The following PRKN variants were observed in gnomAD, a reference collection of about 807,000 sequenced individuals.
PRKN encodes the protein parkin RBR E3 ubiquitin protein ligase, also known as E3 ubiquitin-protein ligase parkin.
A neutral mutation model predicts 59.5 loss-of-function variants in PRKN; 56 were observed. The ratio of observed to expected loss-of-function variants is 0.94; its 90% CI spans 0.76 to 1.18. The LOEUF (loss-of-function observed/expected upper bound fraction) is 1.18. PRKN is among the 50% of genes most tolerant of loss of function. PRKN has a pLI of 0.00. For synonymous variants in PRKN, 250 were observed against 222.1 expected (o/e 1.13, Z -1.12); for missense variants, 657 against 596.4 (o/e 1.10, Z -1.06).
chr6:162,572,515 G>C (rs893953542), intron 1 of PRKN, among the ~76,000 whole-genome samples: 16 of 152,114 alleles, frequency 1.1e-4, no homozygotes, highest in Non-Finnish European at 2.4e-4. Context: ...TATCCTGATG[G>C]GCCAGGTGTA....
At chr6:162,284,832 G>A (rs983148274) in intron 2 of PRKN, among the ~76,000 whole-genome samples, 1 of 152,124 alleles carries the variant, frequency 6.6e-6, no homozygotes, top group Non-Finnish European at 1.5e-5. Flanking sequence ...ACAGCTACAA[G>A]TGTTATGGGC....
intron 3 of PRKN, among the ~76,000 whole-genome samples, chr6:162,242,678 A>C (rs188813292): frequency 6.6e-5 from 10 of 152,284 alleles, no homozygotes; most frequent in Admixed American, 2.6e-4. Flanking sequence ...CTGGCAGTGA[A>C]ACAACTTTGA....
Position 161,360,273 on chromosome 6 carries a change from C to A in PRKN, c.1168-68G>T. 8.0e-7 allele frequency: 1 copy of A among 1,255,394 alleles called. No individual in the cohort carries two copies. Among genetic ancestry groups the A allele is most frequent in the Middle Eastern group, 1.9e-4 (1 of 5,374 alleles). 77.8% of individuals were successfully genotyped at this position (1,255,394 alleles called of 1,614,324 possible). A position where few individuals can be genotyped will look rare whatever the true frequency, so the allele number is the denominator to read the frequency against. The stretch of plus-strand genomic sequence containing the variant: ...TTACTGGGATCAGAGTTTATGTTCC[C>A]TGTACGTCGGTACAGGAAATTCTTG... On this transcript the variant is annotated intron_variant, in intron 10 of 11. Transcript: ENST00000366898. This position sits in a 1 kb window ranked among gnomAD's most constrained non-coding sequence, Gnocchi z 5.1.
At chr6:161,760,558 G>T (rs548675116) in intron 7 of PRKN, among the ~76,000 whole-genome samples, 1 of 151,828 alleles carries the variant, frequency 6.6e-6, no homozygotes, top group Admixed American at 6.6e-5. Context: ...GCTGAGCGCC[G>T]GAAGCCGTCT....
At chr6:161,758,728 TA>T (rs1374196378) in intron 7 of PRKN, among the ~76,000 whole-genome samples, 4 of 152,156 alleles carry the variant, frequency 2.6e-5, no homozygotes, top group Non-Finnish European at 5.9e-5. Flanking sequence ...TTAAAGATGA[TA>T]GATCAGGAAG....
At chr6:161,877,899 A>C (rs111946138) in intron 6 of PRKN, among the ~76,000 whole-genome samples, 63 of 152,122 alleles carry the variant, frequency 4.1e-4, no homozygotes, top group African/African-American at 1.3e-3. Context: ...CCGTGTAGAC[A>C]GTGACACACT....
chr6:161,796,000 C>T (rs1448076714), intron 6 of PRKN, among the ~76,000 whole-genome samples: 1 of 152,142 alleles, frequency 6.6e-6, no homozygotes, highest in Non-Finnish European at 1.5e-5. Context: ...GATAATGCTT[C>T]TATAAGCCAC....
intron 6 of PRKN, among the ~76,000 whole-genome samples, chr6:161,810,208 A>G (rs9456712): frequency 0.044 from 6,687 of 152,268 alleles, 469 homozygotes; most frequent in African/African-American, 0.15. Flanking sequence ...ATATGTACAG[A>G]GGGAAGCCCA....
intron 7 of PRKN, among the ~76,000 whole-genome samples, chr6:161,580,737 C>A (rs985490283): frequency 2.6e-5 from 4 of 151,930 alleles, no homozygotes; most frequent in Non-Finnish European, 5.9e-5. Flanking sequence ...CTCGGCCCCC[C>A]AAAGTGCTGC....
In PRKN at chr6:162,584,192, GAC is replaced by G. The variant is rs1780905239; in HGVS notation, c.8-140721_8-140720del. Among the ~76,000 whole-genome samples, 3 of 135,060 alleles carry G rather than the reference GAC, an allele frequency of 2.2e-5. No homozygotes were observed. The Admixed American group carries it at 2.5e-4, about 11-fold the overall frequency. 88.6% of individuals were successfully genotyped at this position (135,060 alleles called of 152,430 possible). ...TGCGTCACTGCACTCCAGCCTGGGC[GAC>G]AGAGTGAGACTCCGTCTCAAAAAAA... On this transcript the variant is annotated intron_variant, in intron 1 of 11. Transcript: ENST00000366898.
At chr6:162,522,165 C>G (rs921581298) in intron 1 of PRKN, among the ~76,000 whole-genome samples, 1 of 152,144 alleles carries the variant, frequency 6.6e-6, no homozygotes, top group African/African-American at 2.4e-5. Flanking sequence ...GCTCTATCAC[C>G]CAGGCTAGAG....
intron 2 of PRKN, among the ~76,000 whole-genome samples, chr6:162,414,604 G>C (rs566482715): frequency 6.6e-6 from 1 of 151,316 alleles, no homozygotes; most frequent in Non-Finnish European, 1.5e-5. Flanking sequence ...CCAGCTACTC[G>C]GGAGGCTGAA....
At chr6:162,233,775 C>T (rs957997529) in intron 3 of PRKN, among the ~76,000 whole-genome samples, 4 of 152,128 alleles carry the variant, frequency 2.6e-5, no homozygotes, top group Non-Finnish European at 5.9e-5. Flanking sequence ...ATGAGGTCAT[C>T]GCAGAGGGGA....
chr6:161,647,189 C>T (rs10945762), intron 7 of PRKN, among the ~76,000 whole-genome samples: 76,114 of 152,134 alleles, frequency 0.5, 21,975 homozygotes, highest in African/African-American at 0.81. Context: ...TTCCCTGAGA[C>T]GTACATCCTT....
In PRKN at chr6:162,301,871, C is replaced by T. The variant is rs568041478; in HGVS notation, c.172-39106G>A. Among the ~76,000 whole-genome samples, 122 of 150,654 alleles carry T rather than the reference C, an allele frequency of 8.1e-4. 7 individuals carry two copies. In the South Asian group the frequency reaches 0.024, roughly 30 times the overall value. ...ATCTCCAATATGATGTACACCAAAC[C>T]TGTCTCTTCAGGTCTCAGGTCTTAT... is the stretch of plus-strand genomic sequence containing the variant. On this transcript the variant is annotated intron_variant, in intron 2 of 11. Coordinates refer to ENST00000366898, the MANE Select transcript of PRKN (RefSeq NM_004562.3).
At chr6:162,563,465 G>A (rs1779936682) in intron 1 of PRKN, among the ~76,000 whole-genome samples, 1 of 152,208 alleles carries the variant, frequency 6.6e-6, no homozygotes, top group African/African-American at 2.4e-5. Flanking sequence ...CTGGGCTTGG[G>A]GTTCCCCCTA....
rs768568929 is a variant in PRKN, at chr6:161,582,971, AACACACACACACACACACACACAC to A, written c.872-13579_872-13556del. Among the ~76,000 whole-genome samples the A allele has an allele frequency of 4.9e-4, 58 of 117,236 alleles. No homozygotes were observed. The highest frequency in any genetic ancestry group is 1.3e-3 in the African/African-American group (46 of 34,548). 76.9% of individuals were successfully genotyped at this position (117,236 alleles called of 152,430 possible). A position where few individuals can be genotyped will look rare whatever the true frequency, so the allele number is the denominator to read the frequency against. ...TCTTTCCAGTGAGATGGCCTATTCC[AACACACACACACACACACACACAC>A]ACACACACACACACACACACACACA... On this transcript the variant is annotated intron_variant, in intron 7 of 11. Transcript: ENST00000366898. The surrounding 1 kb of genome is among the most constrained non-coding windows in gnomAD (Gnocchi z 4.4).
rs907962161 is a variant in PRKN at position 162,196,773 on chromosome 6, A to G, written c.534+4358T>C. On this transcript the variant is annotated intron_variant, in intron 4 of 11. Transcript: ENST00000366898. ...TTACAATTTGTTAGAGTATCATATT[A>G]AATGTGAAACATGATTAAACTGGAG... Among the ~76,000 whole-genome samples the G allele has an allele frequency of 3.3e-5, 5 of 152,228 alleles. No homozygotes were observed. In the East Asian group the frequency reaches 9.6e-4, roughly 29 times the overall value.
chr6:162,652,833 T>C lies in PRKN; in HGVS notation c.7+74829A>G, dbSNP rs547568975. Among the ~76,000 whole-genome samples, 18 of 152,216 alleles carry C rather than the reference T, an allele frequency of 1.2e-4. 1 individual carries two copies. The South Asian group carries it at 3.7e-3, about 32-fold the overall frequency. ...AAAATAAATACAAAGAATTGAGAAC[T>C]AACCCCCCGATAAGATTTATTAAAA... On this transcript the variant is annotated intron_variant, in intron 1 of 11. Coordinates refer to ENST00000366898, the MANE Select transcript of PRKN (RefSeq NM_004562.3).
Sources: gnomAD v4.1 joint callset for allele counts (sites outside exome capture counted in the v4.1 genomes callset) on GRCh38, gnomAD v4.1.1 for gene constraint, Gnocchi (gnomAD v3.1) non-coding constraint, MANE v1.5 for transcripts, NCBI Gene and HGNC (gene_info 2026-07-23, HGNC 2026-07-21) for gene names.